COL4A1: variants seen among roughly 807,000 people sequenced by gnomAD.
The protein encoded by COL4A1 is collagen type IV alpha 1 chain.
In COL4A1, 40 loss-of-function variants were observed where a neutral mutation model predicts 216.6. The observed-to-expected ratio is 0.18, with a 90% CI of 0.14 to 0.24. The LOEUF is 0.24. COL4A1 is among the 10% of genes least tolerant of loss of function. The pLI is 1.00. For missense variants in COL4A1, 1,628 were observed against 2,196.8 expected (o/e 0.74, Z 5.18); for synonymous variants, 839 against 810.7 (o/e 1.03, Z -0.59).
At chr13:110,178,005 A>C (rs1033081273) in intron 32 of COL4A1, 59 bp downstream of exon 32, 5 of 1,613,908 alleles carry the variant, frequency 3.1e-6, no homozygotes, top group Non-Finnish European at 4.2e-6. Flanking sequence ...TCATAAAAAG[A>C]ATAAGGTGAG....
rs112508409 is a variant in COL4A1 at position 110,181,404 on chromosome 13, CAAAA to C, written c.2096-19_2096-16del. 2 of 1,241,134 alleles carry C rather than the reference CAAAA, an allele frequency of 1.6e-6. No individual in the cohort carries two copies. The highest frequency in any genetic ancestry group is 2.0e-5 in the Admixed American group (1 of 49,276). 76.9% of individuals were successfully genotyped at this position (1,241,134 alleles called of 1,614,324 possible). A position where few individuals can be genotyped will look rare whatever the true frequency, so the allele number is the denominator to read the frequency against. On this transcript the variant is annotated splice_polypyrimidine_tract_variant and intron_variant, in intron 28 of 51. Coordinates refer to ENST00000375820, the MANE Select transcript of COL4A1 (RefSeq NM_001845.6). Reference sequence around the variant, plus strand: ...GCCGTCAACACCTGTTTTAAAGAGTCAAAAAAAAAAAACAAACAAACAATCATTG... The same window carrying C: ...GCCGTCAACACCTGTTTTAAAGAGTCAAAAAAAACAAACAAACAATCATTG...
At chr13:110,204,688 C>G (rs1434399495) in intron 17 of COL4A1, among the ~76,000 whole-genome samples, 2 of 148,020 alleles carry the variant, frequency 1.4e-5, no homozygotes, top group African/African-American at 5.0e-5. Context: ...CTAAAAGGGC[C>G]CTGGTCTGGC....
intron 1 of COL4A1, among the ~76,000 whole-genome samples, chr13:110,248,617 G>A (rs1048768992): frequency 6.6e-6 from 1 of 152,102 alleles, no homozygotes; most frequent in Non-Finnish European, 1.5e-5. Context: ...TCAGCCTCCC[G>A]AGTGGCTGGG....
chr13:110,189,041 T>C (rs966699619), intron 24 of COL4A1, among the ~76,000 whole-genome samples: 2 of 152,038 alleles, frequency 1.3e-5, no homozygotes, highest in Non-Finnish European at 2.9e-5. Context: ...TTTGTTTTTG[T>C]TTTTTGTTTT....
At chr13:110,250,019 C>G (rs997263660) in intron 1 of COL4A1, among the ~76,000 whole-genome samples, 3 of 151,668 alleles carry the variant, frequency 2.0e-5, no homozygotes, top group Admixed American at 6.6e-5. Context: ...AGATGTGATC[C>G]CAAAGATGTG....
chr13:110,278,307 T>C (rs1305217733), intron 1 of COL4A1, among the ~76,000 whole-genome samples: 1 of 152,236 alleles, frequency 6.6e-6, no homozygotes, highest in East Asian at 1.9e-4. Context: ...TATGAGCCCA[T>C]CTGACATTTT....
At chr13:110,256,717 C>T (rs9521671) in intron 1 of COL4A1, among the ~76,000 whole-genome samples, 22,667 of 151,950 alleles carry the variant, frequency 0.15, 2,073 homozygotes, top group Non-Finnish European at 0.21. Context: ...AACCCAGCTA[C>T]ACTCTATTCA....
chr13:110,183,404 C>T (rs2139170035), intron 26 of COL4A1, 128 bp from the exon 27 acceptor site: 2 of 845,236 alleles, frequency 2.4e-6, no homozygotes, highest in East Asian at 5.3e-5. Flanking sequence ...GAGAGCAGAG[C>T]CTCTGCCTGT....
At chr13:110,276,872 G>A (rs1044066525) in intron 1 of COL4A1, among the ~76,000 whole-genome samples, 1 of 152,232 alleles carries the variant, frequency 6.6e-6, no homozygotes, top group Non-Finnish European at 1.5e-5. Context: ...TCGGGCCACA[G>A]ATGTACCCTG....
At position 110,164,996 on chromosome 13, in the gene COL4A1, G is replaced by C; in HGVS notation, c.4022-6C>G. 1 of 1,603,166 alleles carries C rather than the reference G, an allele frequency of 6.2e-7. No homozygotes were observed. The highest frequency in any genetic ancestry group is 1.1e-5 in the South Asian group (1 of 88,654). On this transcript the variant is annotated splice_polypyrimidine_tract_variant and splice_region_variant and intron_variant, in intron 45 of 51. Transcript: ENST00000375820. Reference sequence around the variant, plus strand: ...GCCAGGAGGACCCGGGAGACCTGTGGGAATAGGGAAGGCATTGATCAATTT... The same window carrying C: ...GCCAGGAGGACCCGGGAGACCTGTGCGAATAGGGAAGGCATTGATCAATTT...
chr13:110,213,922 T>C lies in COL4A1; in HGVS notation c.234+4A>G. The C allele has an allele frequency of 6.2e-7, 1 of 1,614,056 alleles. No homozygotes were observed. Among genetic ancestry groups the C allele is most frequent in the East Asian group, 2.2e-5 (1 of 44,874 alleles). ...CCCACCCCCAATCCCACAGCCGTGC[T>C]TACCTTTTGTCCTGGTGGTCCCTGT... On this transcript the variant is annotated splice_donor_region_variant and intron_variant, in intron 3 of 51. Coordinates refer to ENST00000375820, the MANE Select transcript of COL4A1 (RefSeq NM_001845.6).
chr13:110,186,701 C>T (rs763972268), intron 25 of COL4A1, 148 bp from the exon 26 acceptor site: 42 of 969,862 alleles, frequency 4.3e-5, no homozygotes, highest in Admixed American at 2.6e-4. Context: ...CCAGGAGGGC[C>T]ACCTTGTAGT....
rs138657011 is a variant in COL4A1, at chr13:110,251,919, G to C, written c.85-9185C>G. On this transcript the variant is annotated intron_variant, in intron 1 of 51. Coordinates refer to ENST00000375820, the MANE Select transcript of COL4A1 (RefSeq NM_001845.6). ...TCCCAGTAACACTGACTCTGATAAA[G>C]GAGTCTATAATTGCTGTCTGAAAAG... 4.1e-3 allele frequency among the ~76,000 whole-genome samples: 617 copies of C among 152,316 alleles called. 6 individuals carry two copies. Among genetic ancestry groups the C allele is most frequent in the African/African-American group, 0.014 (580 of 41,568 alleles).
At chr13:110,153,411 T>A (rs1312429714) in intron 50 of COL4A1, among the ~76,000 whole-genome samples, 1 of 152,196 alleles carries the variant, frequency 6.6e-6, no homozygotes, top group Non-Finnish European at 1.5e-5. Flanking sequence ...TTTAGACAAA[T>A]TATGGGCAAT....
intron 36 of COL4A1, among the ~76,000 whole-genome samples, chr13:110,175,904 C>CT (rs1246772283): frequency 6.6e-6 from 1 of 152,210 alleles, no homozygotes; most frequent in African/African-American, 2.4e-5. Flanking sequence ...CATCTGAACT[C>CT]TCCCCCTTTC....
In COL4A1 at chr13:110,177,862, G is replaced by A. The variant is rs754483306; in HGVS notation, c.2696C>T (p.Pro899Leu). ...CCTACCTTTTTCACCCGGTAATCCA[G>A]GAGCACCCACTGGTCCTGGTGAGCC... is the stretch of plus-strand genomic sequence containing the variant. ...QPGSPGPVGA[P>L]GLPGEKGDHG... Residue 899 changes from proline (P) to leucine (L), a missense_variant, in exon 33 of 52, where the codon CCT becomes CTT. Coordinates refer to ENST00000375820, the MANE Select transcript of COL4A1 (RefSeq NM_001845.6). 2 of 1,614,160 alleles carry A rather than the reference G, an allele frequency of 1.2e-6. No individual in the cohort carries two copies. Among genetic ancestry groups the A allele is most frequent in the Admixed American group, 1.7e-5 (1 of 60,026 alleles).
chr13:110,247,790 C>CGTGTGTGTGT (rs56086913), intron 1 of COL4A1, among the ~76,000 whole-genome samples: 44 of 57,768 alleles, frequency 7.6e-4, no homozygotes, highest in African/African-American at 2.3e-3. Context: ...CTATGCTACT[C>CGTGTGTGTGT]GTGTGTGTGT....
At chr13:110,240,084 C>T (rs1219847117) in intron 2 of COL4A1, among the ~76,000 whole-genome samples, 2 of 152,154 alleles carry the variant, frequency 1.3e-5, no homozygotes, top group East Asian at 3.9e-4. Context: ...TAGCTATTGT[C>T]CTAGGCCTAG....
chr13:110,277,221 T>C (rs957107079), intron 1 of COL4A1, among the ~76,000 whole-genome samples: 3 of 152,276 alleles, frequency 2.0e-5, no homozygotes, highest in Admixed American at 6.5e-5. Flanking sequence ...GCTATTTTTA[T>C]TGGATATTTC....
Sources: allele counts gnomAD v4.1 joint callset (sites outside exome capture counted in the v4.1 genomes callset), GRCh38; gene constraint gnomAD v4.1.1; transcripts MANE v1.5; gene names NCBI Gene and HGNC (gene_info 2026-07-23, HGNC 2026-07-21).